Variants in NRG1 observed in about 807,000 individuals in gnomAD.
NRG1 encodes the protein neuregulin 1.
A neutral mutation model predicts 63.8 loss-of-function variants in NRG1; 18 were observed. The ratio of observed to expected loss-of-function variants is 0.28; its 90% CI spans 0.19 to 0.42. NRG1 has a LOEUF of 0.42. Ranked by LOEUF, NRG1 falls within the 10% of genes least tolerant of loss-of-function variation. The pLI is 1.00. For synonymous variants in NRG1, 302 were observed against 301.3 expected (o/e 1.00, Z -0.02); for missense variants, 762 against 814.7 (o/e 0.94, Z 0.79).
intron 1 of NRG1, among the ~76,000 whole-genome samples, chr8:32,197,996 A>C (rs1344386231): frequency 1.3e-5 from 2 of 152,072 alleles, no homozygotes; most frequent in East Asian, 1.9e-4. Flanking sequence ...ACACACACAC[A>C]CCATCCAGGA....
At chr8:32,043,951 A>G (rs1820509850) in intron 1 of NRG1, among the ~76,000 whole-genome samples, 1 of 151,992 alleles carries the variant, frequency 6.6e-6, no homozygotes, top group South Asian at 2.1e-4. Context: ...ATCCAAGCAT[A>G]TCTATACTTG....
At chr8:31,731,383 T>C (rs1814035706) in intron 1 of NRG1, among the ~76,000 whole-genome samples, 1 of 150,930 alleles carries the variant, frequency 6.6e-6, no homozygotes, top group South Asian at 2.1e-4. Flanking sequence ...ATCCTTGAGG[T>C]AAAGTTTTAA....
chr8:31,875,133 G>A (rs1301817629), intron 1 of NRG1, among the ~76,000 whole-genome samples: 1 of 152,076 alleles, frequency 6.6e-6, no homozygotes, highest in Non-Finnish European at 1.5e-5. Flanking sequence ...TGTAGAGGGA[G>A]AACTCCTGCC....
rs545353477 is a variant in NRG1 at position 31,769,931 on chromosome 8, G to C, written c.37+130500G>C. Among the ~76,000 whole-genome samples, 12 of 152,260 alleles carry C rather than the reference G, an allele frequency of 7.9e-5. 1 individual carries two copies. The highest frequency in any genetic ancestry group is 2.6e-4 in the African/African-American group (11 of 41,548). On this transcript the variant is annotated intron_variant, in intron 1 of 10. Transcript: ENST00000519301. ...AACACTCTGGGGTGTTTATGTCCAGGGTCAGCAAGGCTCCAGGGTTATGTC... is the reference window on the plus strand; with the variant it reads ...AACACTCTGGGGTGTTTATGTCCAGCGTCAGCAAGGCTCCAGGGTTATGTC...
At chr8:32,317,151 T>A (rs1413165861) in intron 1 of NRG1, among the ~76,000 whole-genome samples, 1 of 152,132 alleles carries the variant, frequency 6.6e-6, no homozygotes, top group Non-Finnish European at 1.5e-5. Context: ...GAATGATGAG[T>A]CTCCCCTCTA....
chr8:31,641,284 C>A (rs966963101), intron 1 of NRG1, among the ~76,000 whole-genome samples: 2 of 151,642 alleles, frequency 1.3e-5, no homozygotes. Context: ...CAGTCTGTAC[C>A]TTGTGAATAT....
At chr8:32,698,413 G>A (rs1813938849) in intron 5 of NRG1, among the ~76,000 whole-genome samples, 1 of 152,170 alleles carries the variant, frequency 6.6e-6, no homozygotes, top group Non-Finnish European at 1.5e-5. Flanking sequence ...CAGGCAGACA[G>A]GGTCTTCTTA....
chr8:32,647,257 C>T, intron 5 of NRG1: 2 of 985,342 alleles, frequency 2.0e-6, no homozygotes, highest in Non-Finnish European at 2.4e-6. Flanking sequence ...CTGCCGCCGC[C>T]GCCACCGCCG....
At chr8:31,670,785 G>C (rs1168491883) in intron 1 of NRG1, among the ~76,000 whole-genome samples, 1 of 151,930 alleles carries the variant, frequency 6.6e-6, no homozygotes, top group African/African-American at 2.4e-5. Flanking sequence ...ATTTTAACTT[G>C]GGTTTTTATT....
At chr8:32,508,559 A>G (rs1828816350) in intron 1 of NRG1, among the ~76,000 whole-genome samples, 1 of 151,922 alleles carries the variant, frequency 6.6e-6, no homozygotes, top group Non-Finnish European at 1.5e-5. Context: ...AGCCTCCCAA[A>G]GTTCTGGGAT....
intron 1 of NRG1, among the ~76,000 whole-genome samples, chr8:32,250,254 AT>A (rs1399932322): frequency 1.3e-5 from 2 of 152,124 alleles, no homozygotes; most frequent in African/African-American, 4.8e-5. Flanking sequence ...GTTCCACTAC[AT>A]TTTAGTCATT....
chr8:31,878,676 T>C (rs1251514202), intron 1 of NRG1, among the ~76,000 whole-genome samples: 2 of 152,132 alleles, frequency 1.3e-5, no homozygotes, highest in African/African-American at 4.8e-5. Flanking sequence ...GCAGTCTAAT[T>C]TGTAAGATTG....
chr8:31,878,360 G>T (rs1830084913), intron 1 of NRG1, among the ~76,000 whole-genome samples: 1 of 152,046 alleles, frequency 6.6e-6, no homozygotes, highest in African/African-American at 2.4e-5. Context: ...AATCATAGAT[G>T]ATGTAACTTA....
chr8:32,628,741 T>C (rs1237931224), intron 5 of NRG1, among the ~76,000 whole-genome samples: 1 of 151,704 alleles, frequency 6.6e-6, no homozygotes, highest in African/African-American at 2.4e-5. Context: ...CCCTTTTTTT[T>C]TTTTTTTTTG....
intron 1 of NRG1, among the ~76,000 whole-genome samples, chr8:31,652,972 CT>C (rs1805015993): frequency 3.1e-5 from 1 of 31,804 alleles, no homozygotes; most frequent in African/African-American, 8.6e-5. Flanking sequence ...CTCCTCTCCT[CT>C]CCTCTCCTCT....
intron 1 of NRG1, among the ~76,000 whole-genome samples, chr8:32,325,510 G>T (rs1271032745): frequency 2.0e-5 from 3 of 152,148 alleles, no homozygotes; most frequent in African/African-American, 7.2e-5. Context: ...CTTCTGAGCA[G>T]CTGGGACTAT....
intron 1 of NRG1, among the ~76,000 whole-genome samples, chr8:32,447,956 G>A (rs1283325909): frequency 6.6e-6 from 1 of 151,908 alleles, no homozygotes; most frequent in Admixed American, 6.6e-5. Flanking sequence ...TTTTTCCAAA[G>A]TGTTAATCTT....
intron 1 of NRG1, among the ~76,000 whole-genome samples, chr8:31,694,807 T>C (rs1809890126): frequency 6.6e-6 from 1 of 152,190 alleles, no homozygotes; most frequent in South Asian, 2.1e-4. Context: ...CCAAATTTTG[T>C]TGAAGAAATG....
chr8:32,128,350 C>T (rs976280374), intron 1 of NRG1, among the ~76,000 whole-genome samples: 4 of 151,890 alleles, frequency 2.6e-5, no homozygotes, highest in African/African-American at 7.2e-5. Context: ...AATGTGCATT[C>T]CTATATAATG....
Sources: allele counts gnomAD v4.1 joint callset (sites outside exome capture counted in the v4.1 genomes callset), GRCh38; gene constraint gnomAD v4.1.1; transcripts MANE v1.5; gene names NCBI Gene and HGNC (gene_info 2026-07-23, HGNC 2026-07-21).